The following CATSPERE variants were observed in gnomAD, a reference collection of about 807,000 sequenced individuals.
The protein encoded by CATSPERE is cation channel sperm-associated auxiliary subunit epsilon.
A neutral mutation model predicts 114.1 loss-of-function variants in CATSPERE; 93 were observed. The observed-to-expected ratio is 0.81, with a 90% CI of 0.69 to 0.97. The LOEUF is 0.97. Ranked by LOEUF, CATSPERE falls within the 50% of genes least tolerant of loss-of-function variation. The pLI, the probability that CATSPERE is intolerant of heterozygous loss-of-function variation, is 0.00. For synonymous variants in CATSPERE, 341 were observed against 384.1 expected (o/e 0.89, Z 1.31); for missense variants, 1,058 against 1,131.6 (o/e 0.93, Z 0.93).
rs961649171 is a variant in CATSPERE at position 244,639,900 on chromosome 1, T to C, written c.2703-28T>C. The C allele has an allele frequency of 2.3e-5, 31 of 1,374,344 alleles. No individual in the cohort carries two copies. In the Admixed American group the frequency reaches 2.3e-4, roughly 10 times the overall value. 85.1% of individuals were successfully genotyped at this position (1,374,344 alleles called of 1,614,324 possible). On this transcript the variant is annotated intron_variant, in intron 21 of 21. Transcript: ENST00000366534. ...CCAAAGTGTGAACAATGACTTCTAA[T>C]GCCTTTTTTTTTTTTTTCTGATTTC...
chr1:244,467,323 G>T (rs983566262), intron 2 of CATSPERE, among the ~76,000 whole-genome samples: 1 of 152,056 alleles, frequency 6.6e-6, no homozygotes, highest in African/African-American at 2.4e-5. Context: ...AGGAGGAAAA[G>T]ACCTAAGGGG....
At chr1:244,528,785 C>CCACA (rs56746061) in intron 8 of CATSPERE, among the ~76,000 whole-genome samples, 14,920 of 130,244 alleles carry the variant, frequency 0.11, 919 homozygotes, top group Non-Finnish European at 0.14. Flanking sequence ...CAATCCCCCA[C>CCACA]CACACACACA....
chr1:244,519,240 G>C (rs1022054071), intron 8 of CATSPERE, among the ~76,000 whole-genome samples: 1 of 152,170 alleles, frequency 6.6e-6, no homozygotes, highest in African/African-American at 2.4e-5. Context: ...ATATAGGAGT[G>C]AGGCCAGGAT....
At chr1:244,560,545 C>T (rs538569528) in intron 9 of CATSPERE, 123 bp from the exon 10 acceptor site, 1 of 536,242 alleles carries the variant, frequency 1.9e-6, no homozygotes, top group Admixed American at 4.0e-5. Flanking sequence ...ACCTGTTCCC[C>T]AAAAACCTAT....
At chr1:244,481,515 C>A (rs1468029826) in intron 5 of CATSPERE, among the ~76,000 whole-genome samples, 1 of 152,028 alleles carries the variant, frequency 6.6e-6, no homozygotes, top group Non-Finnish European at 1.5e-5. Flanking sequence ...TAAAAAAGGA[C>A]CTGCCCCTTT....
At chr1:244,521,143 C>T (rs921022634) in intron 8 of CATSPERE, among the ~76,000 whole-genome samples, 2 of 152,156 alleles carry the variant, frequency 1.3e-5, no homozygotes, top group Non-Finnish European at 2.9e-5. Context: ...TGCTTGAGGC[C>T]AGGAGTTTCA....
Position 244,473,377 on chromosome 1 carries a change from T to C in CATSPERE, c.115-4164T>C, listed in dbSNP as rs186591568. Among the ~76,000 whole-genome samples the C allele has an allele frequency of 7.2e-5, 11 of 152,294 alleles. No homozygotes were observed. The East Asian group carries it at 2.1e-3, about 29-fold the overall frequency. ...ACATACGATGTGGAGAGTCTTTTCA[T>C]ATCTTTGTCACCTGTATATTATCTT... On this transcript the variant is annotated intron_variant, in intron 2 of 21. Transcript: ENST00000366534.
intron 2 of CATSPERE, among the ~76,000 whole-genome samples, chr1:244,473,004 A>G (rs987930526): frequency 2.0e-5 from 3 of 152,198 alleles, no homozygotes; most frequent in Non-Finnish European, 2.9e-5. Flanking sequence ...TGGATGTACT[A>G]TAGTTTATCC....
At chr1:244,466,973 G>C (rs1667700106) in intron 2 of CATSPERE, among the ~76,000 whole-genome samples, 3 of 152,172 alleles carry the variant, frequency 2.0e-5, no homozygotes, top group Admixed American at 1.3e-4. Flanking sequence ...CAGTCGTTCA[G>C]AACCCTTGAG....
At chr1:244,577,409 A>G (rs987861052) in intron 11 of CATSPERE, among the ~76,000 whole-genome samples, 5 of 152,354 alleles carry the variant, frequency 3.3e-5, no homozygotes, top group Non-Finnish European at 7.3e-5. Flanking sequence ...AATGAAAATT[A>G]TAAGAAACTG....
chr1:244,608,379 T>A (rs761427996), intron 18 of CATSPERE, among the ~76,000 whole-genome samples: 6 of 151,458 alleles, frequency 4.0e-5, no homozygotes, highest in Non-Finnish European at 8.8e-5. Flanking sequence ...CACACAAAAA[T>A]TTTTCAATTA....
intron 17 of CATSPERE, among the ~76,000 whole-genome samples, chr1:244,596,224 A>T (rs7535226): frequency 0.99 from 151,531 of 152,302 alleles, 75,390 homozygotes; most frequent in Middle Eastern, 1. Context: ...AGAAGTTTTC[A>T]TATATGGTTC....
At chr1:244,453,718 C>A (rs745471248), upstream of CATSPERE, among the ~76,000 whole-genome samples, 12 of 152,342 alleles carry the variant, frequency 7.9e-5, no homozygotes, top group Middle Eastern at 0.014. Context: ...CGTCCCTTAA[C>A]TGTAACCCTA....
intron 13 of CATSPERE, among the ~76,000 whole-genome samples, chr1:244,586,609 TG>T (rs1238969723): frequency 6.6e-6 from 1 of 152,160 alleles, no homozygotes; most frequent in African/African-American, 2.4e-5. Flanking sequence ...CAAAAGGTCT[TG>T]GTTTAGCAGC....
At chr1:244,476,980 T>G (rs1669458457) in intron 2 of CATSPERE, among the ~76,000 whole-genome samples, 1 of 152,170 alleles carries the variant, frequency 6.6e-6, no homozygotes, top group Non-Finnish European at 1.5e-5. Context: ...TCTTAGATAC[T>G]TAATAGATTA....
chr1:244,542,846 A>G (rs1659077633), intron 8 of CATSPERE, among the ~76,000 whole-genome samples: 1 of 152,194 alleles, frequency 6.6e-6, no homozygotes, highest in South Asian at 2.1e-4. Context: ...CAACAATACA[A>G]TAGGTATGTG....
intron 6 of CATSPERE, among the ~76,000 whole-genome samples, chr1:244,496,108 G>C (rs1311707052): frequency 3.9e-5 from 6 of 152,110 alleles, no homozygotes; most frequent in Non-Finnish European, 1.5e-5. Flanking sequence ...CCCCATGTTG[G>C]GGAATTTAAA....
At chr1:244,551,299 G>A (rs1660582380) in intron 8 of CATSPERE, among the ~76,000 whole-genome samples, 1 of 152,128 alleles carries the variant, frequency 6.6e-6, no homozygotes, top group African/African-American at 2.4e-5. Flanking sequence ...CAGTAATGAA[G>A]GGAAACCCCA....
At position 244,553,602 on chromosome 1, in the gene CATSPERE, TACACACACAC is replaced by T. The variant is rs67626437; in HGVS notation, c.1029+822_1029+831del. Among the ~76,000 whole-genome samples the T allele has an allele frequency of 8.6e-4, 79 of 91,944 alleles. 1 individual carries two copies. The highest frequency in any genetic ancestry group is 2.4e-3 in the African/African-American group (47 of 19,784). 60.3% of individuals were successfully genotyped at this position (91,944 alleles called of 152,430 possible). On this transcript the variant is annotated intron_variant, in intron 9 of 21. Coordinates refer to ENST00000366534, the MANE Select transcript of CATSPERE (RefSeq NM_001130957.2). The stretch of plus-strand genomic sequence containing the variant: ...TCTCAAAAAAAAAAAAAAAAAAAAA[TACACACACAC>T]ACACACACACACACACACACACACA...
Sources: gnomAD v4.1 joint callset for allele counts (sites outside exome capture counted in the v4.1 genomes callset) on GRCh38, gnomAD v4.1.1 for gene constraint, MANE v1.5 for transcripts, NCBI Gene and HGNC (gene_info 2026-07-23, HGNC 2026-07-21) for gene names.